The following INPP4B variants were observed in gnomAD, a reference collection of about 807,000 sequenced individuals.
INPP4B encodes inositol polyphosphate-4-phosphatase type II B, also known as inositol polyphosphate 4-phosphatase type II.
Under a neutral mutation model 122.5 loss-of-function variants are expected in INPP4B, and 55 were observed. The ratio of observed to expected loss-of-function variants is 0.45; its 90% confidence interval spans 0.36 to 0.56. The LOEUF (loss-of-function observed/expected upper bound fraction) is 0.56, where lower values mean the gene tolerates loss of function less well. INPP4B is among the 20% of genes least tolerant of loss of function. The probability of loss-of-function intolerance (pLI) is 0.00; values close to 1 mark genes in which losing one functional copy is unlikely to be tolerated. For missense variants in INPP4B, 1,000 were observed against 1,097.7 expected (o/e 0.91, Z 1.26); for synonymous variants, 403 against 388.7 (o/e 1.04, Z -0.43).
intron 15 of INPP4B, among the ~76,000 whole-genome samples, chr4:142,179,355 C>A (rs1305362774): frequency 6.6e-6 from 1 of 151,534 alleles, no homozygotes; most frequent in Non-Finnish European, 1.5e-5. Flanking sequence ...CACCTGTAGT[C>A]CCAGCTACTC....
chr4:142,786,437 T>A (rs1580913995), intron 1 of INPP4B, among the ~76,000 whole-genome samples: 2 of 152,134 alleles, frequency 1.3e-5, no homozygotes, highest in East Asian at 3.9e-4. Context: ...ATAAATGACT[T>A]AATAAATTAA....
intron 1 of INPP4B, chr4:142,765,738 A>G (rs547654336): frequency 1.1e-4 from 16 of 152,260 alleles, no homozygotes; most frequent in Non-Finnish European, 1.3e-4. Flanking sequence ...TTTTATTTAT[A>G]TAAACATGAA....
chr4:142,806,758 AAGAAAG>A (rs199841931), intron 1 of INPP4B, among the ~76,000 whole-genome samples: 1,862 of 121,078 alleles, frequency 0.015, 50 homozygotes, highest in African/African-American at 0.057. Flanking sequence ...AAAGAAGAAG[AAGAAAG>A]AAGAAAGAAA....
chr4:142,642,229 C>A (rs1391262933), intron 2 of INPP4B, among the ~76,000 whole-genome samples: 1 of 152,166 alleles, frequency 6.6e-6, no homozygotes, highest in African/African-American at 2.4e-5. Flanking sequence ...CCTGTTCACT[C>A]TAATGGTAGT....
Position 142,336,606 on chromosome 4 carries a change from C to T in INPP4B, c.373-21844G>A, listed in dbSNP as rs73850855. Among the ~76,000 whole-genome samples, 255 of 152,364 alleles carry T rather than the reference C, an allele frequency of 1.7e-3. 1 individual carries two copies. Among genetic ancestry groups the T allele is most frequent in the African/African-American group, 5.8e-3 (240 of 41,584 alleles). On this transcript the variant is annotated intron_variant, in intron 7 of 25. Transcript: ENST00000262992. Reference sequence around the variant, plus strand: ...AGAGAAATAACACCCCCTGGGGCTTCGCAGTTGCTGGAATCTCTTGAGTTT... The same window carrying T: ...AGAGAAATAACACCCCCTGGGGCTTTGCAGTTGCTGGAATCTCTTGAGTTT...
intron 1 of INPP4B, among the ~76,000 whole-genome samples, chr4:142,798,193 T>A (rs1777529618): frequency 6.6e-6 from 1 of 151,806 alleles, no homozygotes; most frequent in Non-Finnish European, 1.5e-5. Context: ...AGAGAAACAC[T>A]AGGAAAAATA....
chr4:142,707,413 G>T (rs990333851), intron 2 of INPP4B, among the ~76,000 whole-genome samples: 19 of 152,194 alleles, frequency 1.2e-4, no homozygotes, highest in African/African-American at 4.6e-4. Flanking sequence ...GTTTGGATTT[G>T]TGTCCCACTT....
chr4:142,708,609 T>C (rs1762740401), intron 2 of INPP4B, among the ~76,000 whole-genome samples: 1 of 152,206 alleles, frequency 6.6e-6, no homozygotes, highest in African/African-American at 2.4e-5. Context: ...CTTTGGTGGC[T>C]TCCACATGGT....
chr4:142,459,444 G>A (rs914226212), intron 3 of INPP4B, among the ~76,000 whole-genome samples: 7 of 152,006 alleles, frequency 4.6e-5, no homozygotes, highest in South Asian at 2.1e-4. Context: ...AGAGTGAAAC[G>A]AAGAAGAAAG....
chr4:142,835,440 G>T (rs760082424), intron 1 of INPP4B, among the ~76,000 whole-genome samples: 2 of 152,124 alleles, frequency 1.3e-5, no homozygotes, highest in Non-Finnish European at 2.9e-5. Flanking sequence ...TAGTTATGCA[G>T]CATTTAAGAA....
chr4:142,440,530 T>C (rs1359099736), intron 3 of INPP4B, among the ~76,000 whole-genome samples: 2 of 152,168 alleles, frequency 1.3e-5, no homozygotes, highest in South Asian at 4.1e-4. Flanking sequence ...ATCCTGTCAA[T>C]GAAATTTTTT....
intron 2 of INPP4B, among the ~76,000 whole-genome samples, chr4:142,667,777 AGAT>A (rs1469813239): frequency 6.6e-6 from 1 of 152,204 alleles, no homozygotes; most frequent in East Asian, 1.9e-4. Context: ...GCCTCACAGT[AGAT>A]GATTGAATAG....
intron 12 of INPP4B, among the ~76,000 whole-genome samples, chr4:142,209,792 CAAAAAAAAAAAAA>C (rs375306534): frequency 2.5e-5 from 1 of 39,538 alleles, no homozygotes; most frequent in Admixed American, 4.9e-4. Flanking sequence ...GACCCCGTCT[CAAAAAAAAAAAAA>C]AAAAAAAAAA....
chr4:142,640,499 A>T (rs1750153107), intron 2 of INPP4B, among the ~76,000 whole-genome samples: 1 of 152,226 alleles, frequency 6.6e-6, no homozygotes, highest in South Asian at 2.1e-4. Flanking sequence ...TCTAAATATA[A>T]AATTTAAAAT....
At chr4:142,338,238 A>C (rs1470285690) in intron 7 of INPP4B, among the ~76,000 whole-genome samples, 1 of 83,628 alleles carries the variant, frequency 1.2e-5, no homozygotes, top group African/African-American at 4.0e-5. Flanking sequence ...TGGCAACTTT[A>C]TTTTATTTTA....
Position 142,023,635 on chromosome 4 carries a change from A to G in INPP4B, c.*5147T>C, listed in dbSNP as rs554093203. The stretch of plus-strand genomic sequence containing the variant: ...AGTCAATGTTACCTGTGAGTGCAAT[A>G]GGTCATCATTGATCGCGTCCTTTCA... On this transcript the variant is annotated 3_prime_UTR_variant, in exon 26 of 26. Coordinates refer to ENST00000262992, the MANE Select transcript of INPP4B (RefSeq NM_001101669.3). 1.3e-3 allele frequency: 194 copies of G among 152,326 alleles called. No individual in the cohort carries two copies. The highest frequency in any genetic ancestry group is 4.4e-3 in the African/African-American group (184 of 41,566). The allele number at this position is 152,326 out of a possible 1,614,324, so 9.4% of individuals were successfully genotyped here. A position where few individuals can be genotyped will look rare whatever the true frequency, so the allele number is the denominator to read the frequency against.
intron 2 of INPP4B, among the ~76,000 whole-genome samples, chr4:142,665,351 G>A (rs1360946309): frequency 2.0e-5 from 3 of 151,912 alleles, no homozygotes; most frequent in Non-Finnish European, 2.9e-5. Flanking sequence ...AAAATTAACC[G>A]GGCGTGGTGG....
chr4:142,264,350 TTA>T (rs1196446295), intron 10 of INPP4B, among the ~76,000 whole-genome samples: 3 of 152,128 alleles, frequency 2.0e-5, no homozygotes, highest in African/African-American at 7.2e-5. Flanking sequence ...AACTGTGAGT[TTA>T]TGAGAGGCAG....
At chr4:142,089,480 CAGAG>C (rs751487351) in intron 23 of INPP4B, among the ~76,000 whole-genome samples, 64 of 135,060 alleles carry the variant, frequency 4.7e-4, no homozygotes, top group East Asian at 1.0e-3. Flanking sequence ...CACACACACA[CAGAG>C]AGAGAGAGAG....
Sources: gnomAD v4.1 joint callset for allele counts (sites outside exome capture counted in the v4.1 genomes callset) on GRCh38, gnomAD v4.1.1 for gene constraint, MANE v1.5 for transcripts, NCBI Gene and HGNC (gene_info 2026-07-23, HGNC 2026-07-21) for gene names.